WDR88: variants seen among roughly 807,000 people sequenced by gnomAD.
WDR88 encodes the protein WD repeat-containing protein 88.
A neutral mutation model predicts 46.8 loss-of-function variants in WDR88; 40 were observed. The ratio of observed to expected loss-of-function variants is 0.86; its 90% confidence interval spans 0.66 to 1.11. The LOEUF is 1.11. WDR88 is among the 50% of genes most tolerant of loss of function. The probability of loss-of-function intolerance (pLI) is 0.00; values close to 1 mark genes in which losing one functional copy is unlikely to be tolerated. For synonymous variants in WDR88, 235 were observed against 240.7 expected (o/e 0.98, Z 0.22); for missense variants, 562 against 602.4 (o/e 0.93, Z 0.70).
At position 33,140,230 on chromosome 19, in the gene WDR88, C is replaced by T. The variant is rs1430952293; in HGVS notation, c.387+2443C>T. Reference sequence around the variant, plus strand: ...AGTGCAGTGGTGCAATTACGGCTCACTGCAGCCTCAACCTCCTGGACTCAA... The same window carrying T: ...AGTGCAGTGGTGCAATTACGGCTCATTGCAGCCTCAACCTCCTGGACTCAA... On this transcript the variant is annotated intron_variant, in intron 2 of 10. Transcript: ENST00000355868. Among the ~76,000 whole-genome samples, 4 of 152,336 alleles carry T rather than the reference C, an allele frequency of 2.6e-5. No homozygotes were observed. The South Asian group carries it at 6.2e-4, about 24-fold the overall frequency.
At chr19:33,133,194 A>AATAAATAAATAAAT (rs1351551438) in intron 1 of WDR88, among the ~76,000 whole-genome samples, 9 of 49,410 alleles carry the variant, frequency 1.8e-4, no homozygotes, top group African/African-American at 4.5e-4. Flanking sequence ...TAAATAAATA[A>AATAAATAAATAAAT]ATATAGAGAG....
At chr19:33,133,028 G>A (rs971733595) in intron 1 of WDR88, among the ~76,000 whole-genome samples, 1 of 151,744 alleles carries the variant, frequency 6.6e-6, no homozygotes, top group African/African-American at 2.4e-5. Context: ...GTGATGGGGC[G>A]CACCTGTGGT....
intron 6 of WDR88, among the ~76,000 whole-genome samples, chr19:33,154,627 C>T (rs186923007): frequency 2.0e-5 from 3 of 152,292 alleles, no homozygotes; most frequent in South Asian, 2.1e-4. Context: ...TGGGTTGACA[C>T]GAAGTCTTTG....
At chr19:33,150,657 T>C (rs1216561605) in intron 5 of WDR88, among the ~76,000 whole-genome samples, 2 of 152,132 alleles carry the variant, frequency 1.3e-5, no homozygotes, top group Admixed American at 6.5e-5. Context: ...TGTGGCACTA[T>C]GCCATGTGCA....
chr19:33,149,635 C>G (rs1002653731), intron 5 of WDR88, among the ~76,000 whole-genome samples: 1 of 151,854 alleles, frequency 6.6e-6, no homozygotes, highest in Non-Finnish European at 1.5e-5. Flanking sequence ...AGGAGAAGCC[C>G]CCTCACCCGG....
At chr19:33,174,166 A>G (rs1056459197) in intron 10 of WDR88, 1 of 1,535,976 alleles carries the variant, frequency 6.5e-7, no homozygotes, top group Non-Finnish European at 8.7e-7. Flanking sequence ...GATCTAATCT[A>G]TTTCTTGCAA....
chr19:33,134,650 G>A, intron 1 of WDR88, among the ~76,000 whole-genome samples: 1 of 152,064 alleles, frequency 6.6e-6, no homozygotes, highest in East Asian at 1.9e-4. Context: ...CCTGGGGTAG[G>A]GAGCCAACCC....
At chr19:33,172,326 G>A (rs771326717) in intron 9 of WDR88, 22 bp from the exon 10 acceptor site, 33 of 1,590,874 alleles carry the variant, frequency 2.1e-5, no homozygotes, top group South Asian at 1.0e-4. Context: ...TTTTGTGACC[G>A]CTGGTTTGCT....
rs114139486 is a variant in WDR88, at chr19:33,137,710, G to A, written c.310G>A (p.Ala104Thr). Residue 104 changes from alanine (A) to threonine (T), a missense_variant, in exon 2 of 11, where the codon GCT becomes ACT. Physicochemically the swap from Ala to Thr is moderately conservative, Grantham distance 58 (BLOSUM62 0). Coordinates refer to ENST00000355868, the MANE Select transcript of WDR88 (RefSeq NM_173479.4). Reference protein sequence around the residue: ...PFKILSGHEHAVSTCHFCVDD... With the variant: ...PFKILSGHEHTVSTCHFCVDD... ...TAAAATTCTGAGTGGGCACGAGCAC[G>A]CTGTGAGCACCTGCCACTTCTGTGT... The A allele has an allele frequency of 1.0e-3, 1,637 of 1,613,918 alleles. 12 individuals carry two copies. The African/African-American group carries it at 0.018, about 18-fold the overall frequency.
intron 2 of WDR88, among the ~76,000 whole-genome samples, chr19:33,140,935 A>ATTTT (rs576514149): frequency 7.9e-6 from 1 of 127,128 alleles, no homozygotes; most frequent in African/African-American, 3.2e-5. Context: ...CCAAACTTAC[A>ATTTT]TTTTTTTTTT....
At chr19:33,172,837 C>T (rs1439050704) in intron 10 of WDR88, among the ~76,000 whole-genome samples, 2 of 151,960 alleles carry the variant, frequency 1.3e-5, no homozygotes, top group African/African-American at 4.8e-5. Flanking sequence ...CGCCTGTAAT[C>T]CCAACATTTT....
chr19:33,140,875 G>GT (rs1428278406), intron 2 of WDR88, among the ~76,000 whole-genome samples: 1 of 150,638 alleles, frequency 6.6e-6, no homozygotes, highest in African/African-American at 2.4e-5. Flanking sequence ...TCTTTCTTGT[G>GT]TTTTCTGTAA....
At chr19:33,144,010 C>CTAAA (rs1973456899) in intron 2 of WDR88, among the ~76,000 whole-genome samples, 2 of 152,158 alleles carry the variant, frequency 1.3e-5, no homozygotes, top group Non-Finnish European at 2.9e-5. Flanking sequence ...GGTCGTGCTT[C>CTAAA]TAAATGCCCA....
In WDR88 at chr19:33,132,425, G is replaced by A; in HGVS notation, c.256G>A (p.Asp86Asn). The A allele has an allele frequency of 6.2e-7, 1 of 1,614,000 alleles. No homozygotes were observed. The highest frequency in any genetic ancestry group is 8.5e-7 in the Non-Finnish European group (1 of 1,179,990). ...GGTGCCGGAGAAATTGATCTGGGGC[G>A]ACCAGGACCCTCTCTCCAAGGTCAG... Reference protein sequence around the residue: ...HQVPEKLIWGDQDPLSKIPFK... With the variant: ...HQVPEKLIWGNQDPLSKIPFK... The change falls in exon 1 of 11, where the codon GAC (aspartate) becomes AAC (asparagine). Residue 86 changes from aspartate (D) to asparagine (N), a missense_variant. Physicochemically the swap from Asp to Asn is conservative, Grantham distance 23. Coordinates refer to ENST00000355868, the MANE Select transcript of WDR88 (RefSeq NM_173479.4).
chr19:33,139,226 A>G (rs1973339429), intron 2 of WDR88, among the ~76,000 whole-genome samples: 2 of 152,112 alleles, frequency 1.3e-5, no homozygotes, highest in African/African-American at 2.4e-5. Flanking sequence ...GGCACCGGGG[A>G]TGGGGCTGTG....
At chr19:33,147,431 C>T (rs938251010) in intron 3 of WDR88, among the ~76,000 whole-genome samples, 2 of 151,838 alleles carry the variant, frequency 1.3e-5, no homozygotes, top group South Asian at 2.1e-4. Flanking sequence ...GGCAAAACCC[C>T]GTTTCTACTA....
intron 9 of WDR88, among the ~76,000 whole-genome samples, chr19:33,172,146 T>C (rs1435102743): frequency 6.6e-6 from 1 of 152,212 alleles, no homozygotes; most frequent in African/African-American, 2.4e-5. Context: ...TTCTTCAGTT[T>C]TGCCTTTTCC....
rs926751877 is a variant in WDR88, at chr19:33,174,607, C to G, written c.1243-789C>G. 5 of 984,660 alleles carry G rather than the reference C, an allele frequency of 5.1e-6. No individual in the cohort carries two copies. The African/African-American group carries it at 8.7e-5, about 17-fold the overall frequency. The allele number at this position is 984,660 out of a possible 1,614,324, so 61.0% of individuals were successfully genotyped here. A position where few individuals can be genotyped will look rare whatever the true frequency, so the allele number is the denominator to read the frequency against. On this transcript the variant is annotated intron_variant, in intron 10 of 10. Coordinates refer to ENST00000355868, the MANE Select transcript of WDR88 (RefSeq NM_173479.4). ...GAGGGCACCTAGCACCTGCATCAAT[C>G]TGCTTCACACCCCTGCTTTGTTCAG... is the stretch of plus-strand genomic sequence containing the variant.
At position 33,135,356 on chromosome 19, in the gene WDR88, T is replaced by C. The variant is rs1209710187; in HGVS notation, c.277-2321T>C. Among the ~76,000 whole-genome samples, 3 of 152,338 alleles carry C rather than the reference T, an allele frequency of 2.0e-5. No individual in the cohort carries two copies. In the South Asian group the frequency reaches 6.2e-4, roughly 32 times the overall value. ...ACGTCCTCAAGGTTCATCCATGTTG[T>C]AGCCTGTAGCAGTGCTCCCTTCCCT... On this transcript the variant is annotated intron_variant, in intron 1 of 10. Transcript: ENST00000355868.
Sources: gnomAD v4.1 joint callset for allele counts (sites outside exome capture counted in the v4.1 genomes callset) on GRCh38, gnomAD v4.1.1 for gene constraint, MANE v1.5 for transcripts, NCBI Gene and HGNC (gene_info 2026-07-23, HGNC 2026-07-21) for gene names.